KCNIP4: variants seen among roughly 807,000 people sequenced by gnomAD.
KCNIP4 encodes the protein potassium voltage-gated channel interacting protein 4.
Under a neutral mutation model 34.0 loss-of-function variants are expected in KCNIP4, and 12 were observed. The ratio of observed to expected loss-of-function variants is 0.35; its 90% CI spans 0.23 to 0.57. The LOEUF (loss-of-function observed/expected upper bound fraction) is 0.57. Ranked by LOEUF, KCNIP4 falls within the 20% of genes least tolerant of loss-of-function variation. KCNIP4 has a pLI of 0.83. For missense variants in KCNIP4, 238 were observed against 311.7 expected (o/e 0.76, Z 1.78); for synonymous variants, 124 against 102.2 (o/e 1.21, Z -1.29).
chr4:20,847,302 G>A (rs7682014), intron 3 of KCNIP4, among the ~76,000 whole-genome samples: 98,508 of 152,002 alleles, frequency 0.65, 32,447 homozygotes, highest in South Asian at 0.76. Context: ...GAGTGACACC[G>A]AAGCTTATGA....
intron 1 of KCNIP4, among the ~76,000 whole-genome samples, chr4:21,533,937 A>C (rs965930283): frequency 2.0e-5 from 3 of 152,196 alleles, no homozygotes; most frequent in African/African-American, 7.2e-5. Context: ...GCTTTACAGA[A>C]ACTGAAAAAG....
At chr4:21,761,029 A>G (rs1332876465) in intron 1 of KCNIP4, among the ~76,000 whole-genome samples, 1 of 152,272 alleles carries the variant, frequency 6.6e-6, no homozygotes, top group East Asian at 1.9e-4. Flanking sequence ...TTGCACTTGT[A>G]AAAACTGACT....
intron 1 of KCNIP4, among the ~76,000 whole-genome samples, chr4:21,938,544 C>T (rs772578705): frequency 8.5e-5 from 13 of 152,170 alleles, no homozygotes; most frequent in African/African-American, 2.2e-4. Context: ...GTATTATACA[C>T]GATTCTGTAT....
chr4:21,705,961 A>C (rs1421536332), intron 1 of KCNIP4, among the ~76,000 whole-genome samples: 1 of 152,194 alleles, frequency 6.6e-6, no homozygotes, highest in African/African-American at 2.4e-5. Flanking sequence ...GGATGTGTGC[A>C]AGGATCCCAC....
intron 1 of KCNIP4, among the ~76,000 whole-genome samples, chr4:21,457,245 C>A (rs919650646): frequency 2.6e-5 from 4 of 152,050 alleles, no homozygotes; most frequent in Non-Finnish European, 5.9e-5. Context: ...CCGGGACCGC[C>A]CCTAACAGCC....
chr4:21,305,334 C>A (rs1306596216), intron 1 of KCNIP4, among the ~76,000 whole-genome samples: 1 of 152,168 alleles, frequency 6.6e-6, no homozygotes, highest in Non-Finnish European at 1.5e-5. Context: ...AGGTAAGTTA[C>A]TTAACATCTC....
At chr4:21,887,571 C>T (rs1169538130) in intron 1 of KCNIP4, among the ~76,000 whole-genome samples, 2 of 152,062 alleles carry the variant, frequency 1.3e-5, no homozygotes, top group Non-Finnish European at 2.9e-5. Flanking sequence ...TGAATTTCAC[C>T]CTTCCCCCAT....
chr4:21,434,033 C>T (rs1365588955), intron 1 of KCNIP4, among the ~76,000 whole-genome samples: 1 of 152,132 alleles, frequency 6.6e-6, no homozygotes, highest in Non-Finnish European at 1.5e-5. Flanking sequence ...TTCTTTACTA[C>T]TATTTTTATT....
chr4:21,850,684 G>A (rs1724322489), intron 1 of KCNIP4: 1 of 152,020 alleles, frequency 6.6e-6, no homozygotes, highest in Admixed American at 6.6e-5. Context: ...TCAATTACAT[G>A]ATTTTTTTTC....
At chr4:21,665,222 T>C (rs997993648) in intron 1 of KCNIP4, among the ~76,000 whole-genome samples, 29 of 152,150 alleles carry the variant, frequency 1.9e-4, no homozygotes, top group Non-Finnish European at 5.9e-5. Flanking sequence ...ATATGGAAAG[T>C]GAAAATTTTA....
intron 1 of KCNIP4, among the ~76,000 whole-genome samples, chr4:21,875,656 GAGA>G (rs1726070869): frequency 1.3e-5 from 2 of 152,146 alleles, no homozygotes; most frequent in Admixed American, 6.5e-5. Context: ...TCAGCACTGA[GAGA>G]AGAACATTGT....
At chr4:21,110,771 A>C (rs150804352) in intron 1 of KCNIP4, among the ~76,000 whole-genome samples, 3 of 152,320 alleles carry the variant, frequency 2.0e-5, no homozygotes, top group Non-Finnish European at 4.4e-5. Context: ...GTGAGGACAC[A>C]ACAAAAAGTT....
intron 1 of KCNIP4, among the ~76,000 whole-genome samples, chr4:21,322,289 G>T (rs1054734140): frequency 6.6e-6 from 1 of 152,108 alleles, no homozygotes. Flanking sequence ...CCAGAAACCT[G>T]AGCCAGCTGA....
intron 1 of KCNIP4, among the ~76,000 whole-genome samples, chr4:21,357,687 G>A (rs925104282): frequency 6.6e-6 from 1 of 152,198 alleles, no homozygotes; most frequent in African/African-American, 2.4e-5. Context: ...TGGAGAGGAT[G>A]TGGAGAAATA....
intron 1 of KCNIP4, among the ~76,000 whole-genome samples, chr4:21,540,922 G>C (rs1463996379): frequency 6.6e-6 from 1 of 152,078 alleles, no homozygotes; most frequent in Non-Finnish European, 1.5e-5. Flanking sequence ...TGTAATCCCA[G>C]CACTTTGGGA....
intron 1 of KCNIP4, 109 bp from the exon 2 acceptor site, chr4:20,882,818 C>G: frequency 2.7e-6 from 2 of 749,406 alleles, no homozygotes; most frequent in Non-Finnish European, 4.4e-6. Flanking sequence ...CGCAGCCATC[C>G]ACTCAGGCAA....
intron 1 of KCNIP4, among the ~76,000 whole-genome samples, chr4:21,289,214 A>T (rs895073838): frequency 3.3e-5 from 5 of 152,194 alleles, no homozygotes; most frequent in African/African-American, 1.2e-4. Flanking sequence ...ATTTTGATAC[A>T]GGCATATAAT....
chr4:20,995,352 C>T (rs912395088), intron 1 of KCNIP4, among the ~76,000 whole-genome samples: 2 of 152,080 alleles, frequency 1.3e-5, no homozygotes, highest in Admixed American at 1.3e-4. Flanking sequence ...GCAATGAATG[C>T]GTTAATGTAG....
chr4:21,500,850 G>C (rs567274233), intron 1 of KCNIP4, among the ~76,000 whole-genome samples: 84 of 152,206 alleles, frequency 5.5e-4, no homozygotes, highest in African/African-American at 1.9e-3. Flanking sequence ...ATTATACTGT[G>C]AGTTGAAGAG....
Sources: gnomAD v4.1 joint callset for allele counts (sites outside exome capture counted in the v4.1 genomes callset) on GRCh38, gnomAD v4.1.1 for gene constraint, MANE v1.5 for transcripts, NCBI Gene and HGNC (gene_info 2026-07-23, HGNC 2026-07-21) for gene names.